Variants in FBXL7 observed in about 807,000 individuals in gnomAD.
The protein encoded by FBXL7 is F-box/LRR-repeat protein 7.
In FBXL7, 12 loss-of-function variants were observed where a neutral mutation model predicts 38.3. That is an observed-to-expected ratio of 0.31 (90% CI 0.20 to 0.51). FBXL7 has a LOEUF of 0.51. Ranked by LOEUF, FBXL7 falls within the 20% of genes least tolerant of loss-of-function variation. The pLI is 0.98. For synonymous variants in FBXL7, 297 were observed against 300.9 expected (o/e 0.99, Z 0.13); for missense variants, 567 against 676.4 (o/e 0.84, Z 1.79).
intron 2 of FBXL7, among the ~76,000 whole-genome samples, chr5:15,669,641 T>C (rs192147633): frequency 1.3e-5 from 2 of 152,234 alleles, no homozygotes; most frequent in Admixed American, 1.3e-4. Flanking sequence ...TGCAGCTCCT[T>C]CCGTATTCTT....
At chr5:15,541,952 C>CT (rs965137170) in intron 1 of FBXL7, among the ~76,000 whole-genome samples, 17 of 147,838 alleles carry the variant, frequency 1.1e-4, no homozygotes, top group Middle Eastern at 3.5e-3. Context: ...TCCTTTCCTC[C>CT]TTTTTTTTTT....
At chr5:15,503,212 G>GGTAATTACTT (rs1449607746) in intron 1 of FBXL7, among the ~76,000 whole-genome samples, 1 of 152,172 alleles carries the variant, frequency 6.6e-6, no homozygotes, top group African/African-American at 2.4e-5. Flanking sequence ...CTTGAGGTCA[G>GGTAATTACTT]GAGTTCAAGA....
intron 2 of FBXL7, among the ~76,000 whole-genome samples, chr5:15,893,504 T>C (rs2126389893): frequency 6.6e-6 from 1 of 152,312 alleles, no homozygotes; most frequent in Middle Eastern, 3.4e-3. Context: ...AATAATCGCA[T>C]ACATGGAAGA....
intron 2 of FBXL7, among the ~76,000 whole-genome samples, chr5:15,620,881 C>G (rs925007428): frequency 3.3e-5 from 5 of 152,202 alleles, no homozygotes; most frequent in African/African-American, 1.2e-4. Flanking sequence ...CCTGCGTAGT[C>G]TCTCACCTCA....
intron 2 of FBXL7, among the ~76,000 whole-genome samples, chr5:15,762,096 C>T (rs979052552): frequency 6.6e-6 from 1 of 151,952 alleles, no homozygotes; most frequent in African/African-American, 2.4e-5. Context: ...CTGTGGACAC[C>T]CAGCGTTTGA....
intron 2 of FBXL7, among the ~76,000 whole-genome samples, chr5:15,872,832 A>G (rs144228263): frequency 1.5e-3 from 221 of 152,206 alleles, no homozygotes; most frequent in African/African-American, 4.9e-3. Flanking sequence ...AATAATAGTG[A>G]GCGACCTTAA....
chr5:15,715,489 C>CA (rs1157372026), intron 2 of FBXL7, among the ~76,000 whole-genome samples: 22,587 of 74,480 alleles, frequency 0.3, 3,113 homozygotes, highest in South Asian at 0.33. Flanking sequence ...GACTCCGTCT[C>CA]AAAAAAAAAA....
chr5:15,506,649 G>A (rs1736657123), intron 1 of FBXL7, among the ~76,000 whole-genome samples: 1 of 152,076 alleles, frequency 6.6e-6, no homozygotes, highest in Non-Finnish European at 1.5e-5. Context: ...AGGTTCTGGT[G>A]AGGGCCCTCT....
chr5:15,795,788 C>T (rs1008803499), intron 2 of FBXL7, among the ~76,000 whole-genome samples: 2 of 152,106 alleles, frequency 1.3e-5, no homozygotes, highest in African/African-American at 4.8e-5. Flanking sequence ...TAAGCACACA[C>T]CTTACATATG....
intron 1 of FBXL7, among the ~76,000 whole-genome samples, chr5:15,597,600 G>A (rs770548278): frequency 1.3e-5 from 2 of 151,856 alleles, no homozygotes; most frequent in Non-Finnish European, 2.9e-5. Context: ...ACAAGAAGGC[G>A]TGTGAAGAAG....
chr5:15,591,871 C>T (rs1280511719), intron 1 of FBXL7, among the ~76,000 whole-genome samples: 1 of 152,132 alleles, frequency 6.6e-6, no homozygotes, highest in African/African-American at 2.4e-5. Flanking sequence ...CCACCACACC[C>T]AGCTAATTCT....
chr5:15,844,852 T>A (rs1221037167), intron 2 of FBXL7, among the ~76,000 whole-genome samples: 1 of 152,124 alleles, frequency 6.6e-6, no homozygotes, highest in Non-Finnish European at 1.5e-5. Flanking sequence ...TCTCAATCAT[T>A]CACAGACCAC....
At chr5:15,786,519 C>A (rs1233892584) in intron 2 of FBXL7, among the ~76,000 whole-genome samples, 2 of 152,136 alleles carry the variant, frequency 1.3e-5, no homozygotes, top group Non-Finnish European at 2.9e-5. Flanking sequence ...GATATACTTG[C>A]AGTGCCAACT....
chr5:15,644,178 G>A (rs1481202818), intron 2 of FBXL7, among the ~76,000 whole-genome samples: 1 of 151,942 alleles, frequency 6.6e-6, no homozygotes, highest in East Asian at 1.9e-4. Flanking sequence ...TGATAATGAC[G>A]CCAGGCGCAG....
At chr5:15,731,731 T>A (rs924413274) in intron 2 of FBXL7, among the ~76,000 whole-genome samples, 3 of 152,212 alleles carry the variant, frequency 2.0e-5, no homozygotes, top group Non-Finnish European at 4.4e-5. Flanking sequence ...TACCTTTTCA[T>A]GCCGAGAGTT....
chr5:15,539,051 T>G (rs560255828), intron 1 of FBXL7, among the ~76,000 whole-genome samples: 17 of 152,338 alleles, frequency 1.1e-4, no homozygotes, highest in Admixed American at 9.8e-4. Context: ...CTAAAATGAT[T>G]TGCAGATGGT....
intron 1 of FBXL7, among the ~76,000 whole-genome samples, chr5:15,502,462 C>T (rs1482356601): frequency 1.3e-5 from 2 of 152,084 alleles, no homozygotes; most frequent in Non-Finnish European, 2.9e-5. Flanking sequence ...TCACTTCAGC[C>T]GAAGTGAAAT....
At chr5:15,555,662 C>G (rs983885265) in intron 1 of FBXL7, among the ~76,000 whole-genome samples, 2 of 151,986 alleles carry the variant, frequency 1.3e-5, no homozygotes, top group African/African-American at 4.8e-5. Context: ...TCCCCAAACC[C>G]TGCACCTCCA....
At chr5:15,520,477 A>G (rs73062785) in intron 1 of FBXL7, among the ~76,000 whole-genome samples, 378 of 152,272 alleles carry the variant, frequency 2.5e-3, no homozygotes, top group African/African-American at 8.5e-3. Flanking sequence ...TGTTGTGGGT[A>G]TGTGTGTTTA....
Sources: gnomAD v4.1 joint callset for allele counts (sites outside exome capture counted in the v4.1 genomes callset) on GRCh38, gnomAD v4.1.1 for gene constraint, MANE v1.5 for transcripts, NCBI Gene and HGNC (gene_info 2026-07-23, HGNC 2026-07-21) for gene names.